IL1RAPL2: variants seen among roughly 807,000 people sequenced by gnomAD.
IL1RAPL2 encodes the protein X-linked interleukin-1 receptor accessory protein-like 2.
IL1RAPL2 carries 3 observed loss-of-function variants against 44.1 expected under a neutral mutation model. The ratio of observed to expected loss-of-function variants is 0.07; its 90% confidence interval spans 0.03 to 0.18. The LOEUF is 0.18. Ranked by LOEUF, IL1RAPL2 falls within the 10% of genes least tolerant of loss-of-function variation. IL1RAPL2 has a pLI of 1.00. For missense variants in IL1RAPL2, 391 were observed against 496.4 expected (o/e 0.79, Z 2.02); for synonymous variants, 181 against 178.8 (o/e 1.01, Z -0.10).
At chrX:105,593,983 G>A (rs1407937193) in intron 6 of IL1RAPL2, among the ~76,000 whole-genome samples, 2 of 111,877 alleles carry the variant, frequency 1.8e-5, no homozygotes, top group Non-Finnish European at 3.8e-5. Flanking sequence ...TTGTCAGTAC[G>A]ATACCTACTC....
chrX:104,904,046 T>G (rs373755662), intron 2 of IL1RAPL2, among the ~76,000 whole-genome samples: 23 of 110,888 alleles, frequency 2.1e-4, no homozygotes, highest in African/African-American at 7.2e-4. Context: ...AGAGGAAGAT[T>G]TTTGGGTCAG....
chrX:105,347,043 A>G (rs1375708198), intron 5 of IL1RAPL2, among the ~76,000 whole-genome samples: 3 of 111,908 alleles, frequency 2.7e-5, no homozygotes, highest in Non-Finnish European at 5.6e-5. Flanking sequence ...CCATTCATAA[A>G]ACTGCATACA....
intron 2 of IL1RAPL2, among the ~76,000 whole-genome samples, chrX:105,051,926 C>T (rs1468039769): frequency 1.8e-5 from 2 of 112,272 alleles, no homozygotes; most frequent in East Asian, 5.6e-4. Context: ...AGCAAACCAC[C>T]ATGGCACACA....
At chrX:105,035,655 A>C (rs754151601) in intron 2 of IL1RAPL2, among the ~76,000 whole-genome samples, 90 of 112,562 alleles carry the variant, frequency 8.0e-4, no homozygotes, top group African/African-American at 2.9e-3. Context: ...ATGTTCATTA[A>C]AACAAATAAT....
chrX:105,389,864 A>G (rs1255956971), intron 5 of IL1RAPL2, among the ~76,000 whole-genome samples: 1 of 111,011 alleles, frequency 9.0e-6, no homozygotes. Context: ...ACTGTATTAC[A>G]TGGTCTGTCA....
intron 2 of IL1RAPL2, among the ~76,000 whole-genome samples, chrX:104,848,770 A>G (rs1336902367): frequency 9.1e-6 from 1 of 109,564 alleles, no homozygotes; most frequent in Non-Finnish European, 1.9e-5. Flanking sequence ...ATTTTTAAAA[A>G]CATGTTTTCT....
intron 2 of IL1RAPL2, among the ~76,000 whole-genome samples, chrX:104,994,766 T>C (rs1167528976): frequency 3.6e-5 from 4 of 110,916 alleles, no homozygotes; most frequent in Non-Finnish European, 7.6e-5. Context: ...GAGAACAAGA[T>C]ATCAGGGCCT....
intron 2 of IL1RAPL2, among the ~76,000 whole-genome samples, chrX:104,855,893 C>T (rs1602762006): frequency 9.2e-6 from 1 of 108,831 alleles, no homozygotes; most frequent in African/African-American, 3.3e-5. Flanking sequence ...TGATCTCAAA[C>T]TCCTGGGCTC....
intron 3 of IL1RAPL2, among the ~76,000 whole-genome samples, chrX:105,232,350 G>A (rs146871687): frequency 3.3e-4 from 37 of 112,168 alleles, no homozygotes; most frequent in African/African-American, 1.2e-3. Context: ...ATTTGGTACT[G>A]TCTGAAAATT....
intron 2 of IL1RAPL2, among the ~76,000 whole-genome samples, chrX:105,191,209 T>TTTTG (rs199596357): frequency 0.02 from 2,207 of 112,011 alleles, 55 homozygotes; most frequent in African/African-American, 0.066. Flanking sequence ...TATTAAAGCA[T>TTTTG]TTTGTTTGTT....
chrX:105,405,204 A>C (rs2035634325), intron 5 of IL1RAPL2, among the ~76,000 whole-genome samples: 1 of 111,643 alleles, frequency 9.0e-6, no homozygotes, highest in Admixed American at 9.5e-5. Context: ...AGATAATGAA[A>C]TTTATATGCA....
intron 6 of IL1RAPL2, among the ~76,000 whole-genome samples, chrX:105,600,738 T>C (rs1439172027): frequency 9.1e-6 from 1 of 110,174 alleles, no homozygotes; most frequent in Non-Finnish European, 1.9e-5. Flanking sequence ...TATCTACACA[T>C]AGTTTTAGCC....
intron 2 of IL1RAPL2, among the ~76,000 whole-genome samples, chrX:104,730,954 T>C (rs1181941312): frequency 9.0e-5 from 10 of 111,390 alleles, no homozygotes; most frequent in Non-Finnish European, 1.7e-4. Context: ...GGTTTTGATT[T>C]GCATTTCTCT....
At chrX:105,072,082 G>A (rs1361979691) in intron 2 of IL1RAPL2, among the ~76,000 whole-genome samples, 1 of 110,990 alleles carries the variant, frequency 9.0e-6, no homozygotes, top group Non-Finnish European at 1.9e-5. Flanking sequence ...GAGGGACTGG[G>A]TGGGAGGTGA....
intron 10 of IL1RAPL2, among the ~76,000 whole-genome samples, chrX:105,760,219 A>C (rs1244323209): frequency 8.9e-6 from 1 of 111,925 alleles, no homozygotes; most frequent in Non-Finnish European, 1.9e-5. Context: ...TGGGTGGCAC[A>C]AAGAACAGGC....
rs145656111 is a variant in IL1RAPL2, at chrX:104,578,117, A to G, written c.-20+11066A>G. On this transcript the variant is annotated intron_variant, in intron 1 of 10. Coordinates refer to ENST00000372582, the MANE Select transcript of IL1RAPL2 (RefSeq NM_017416.2). Reference sequence around the variant, plus strand: ...TAGCAACACATTAGTAGTGATAAACATAACAAACACCCACATCTTAGTTTG... The same window carrying G: ...TAGCAACACATTAGTAGTGATAAACGTAACAAACACCCACATCTTAGTTTG... Among the ~76,000 whole-genome samples the G allele has an allele frequency of 3.6e-3, 404 of 112,127 alleles. 8 individuals carry two copies. In the East Asian group the frequency reaches 0.077, roughly 21 times the overall value.
At chrX:104,650,498 T>C (rs1018429281) in intron 1 of IL1RAPL2, among the ~76,000 whole-genome samples, 2 of 111,314 alleles carry the variant, frequency 1.8e-5, no homozygotes, top group African/African-American at 6.5e-5. Flanking sequence ...TCAATGATGA[T>C]ATTTCAGGCC....
chrX:104,898,877 A>G (rs1923732955), intron 2 of IL1RAPL2, among the ~76,000 whole-genome samples: 1 of 112,441 alleles, frequency 8.9e-6, no homozygotes, highest in African/African-American at 3.2e-5. Context: ...TTTTGCTTCT[A>G]TTTCTGCTGT....
chrX:105,331,959 G>A (rs1448839111), intron 5 of IL1RAPL2, among the ~76,000 whole-genome samples: 5 of 109,633 alleles, frequency 4.6e-5, no homozygotes, highest in East Asian at 3.0e-4. Flanking sequence ...ATTTCTTGCC[G>A]CTGTCTCTTC....
Sources: allele counts gnomAD v4.1 joint callset (sites outside exome capture counted in the v4.1 genomes callset), GRCh38; gene constraint gnomAD v4.1.1; transcripts MANE v1.5; gene names NCBI Gene and HGNC (gene_info 2026-07-23, HGNC 2026-07-21).